Variants in PSMA1 observed in about 807,000 individuals in gnomAD.
PSMA1 encodes the protein proteasome 20S subunit alpha 1.
Under a neutral mutation model 38.4 loss-of-function variants are expected in PSMA1, and 3 were observed. The ratio of observed to expected loss-of-function variants is 0.08; its 90% CI spans 0.04 to 0.20. PSMA1 has a LOEUF of 0.20. Ranked by LOEUF, PSMA1 falls within the 10% of genes least tolerant of loss-of-function variation. PSMA1 has a pLI of 1.00. For missense variants in PSMA1, 227 were observed against 325.3 expected (o/e 0.70, Z 2.32); for synonymous variants, 101 against 107.1 (o/e 0.94, Z 0.35).
At chr11:14,516,159 G>A (rs1049544545) in intron 4 of PSMA1, among the ~76,000 whole-genome samples, 1 of 150,658 alleles carries the variant, frequency 6.6e-6, no homozygotes, top group African/African-American at 2.4e-5. Flanking sequence ...GCAGTGAGCC[G>A]AGATCATACC....
Position 14,510,909 on chromosome 11 carries a change from C to G in PSMA1, c.587G>C (p.Arg196Thr). 1 of 1,608,788 alleles carries G rather than the reference C, an allele frequency of 6.2e-7. No homozygotes were observed. Among genetic ancestry groups the G allele is most frequent in the Non-Finnish European group, 8.5e-7 (1 of 1,177,330 alleles). Residue 196 changes from arginine (R) to threonine (T), a missense_variant, in exon 8 of 10, where the codon AGA (arginine) becomes ACA (threonine). Transcript: ENST00000396394. ...ELVKHGLRAL[R>T]ETLPAEQDLT... ...GTCCTGTTCTGCAGGAAGCGTCTCT[C>G]TTAAGGCACGCAGACCATGTTTAAC...
chr11:14,588,690 C>T (rs1448499859), intron 2 of PSMA1, among the ~76,000 whole-genome samples: 3 of 152,126 alleles, frequency 2.0e-5, no homozygotes, highest in South Asian at 2.1e-4. Flanking sequence ...TCACAATAAT[C>T]GCAATTATAG....
chr11:14,519,232 G>A, intron 1 of PSMA1, 191 bp from the exon 2 acceptor site: 1 of 651,540 alleles, frequency 1.5e-6, no homozygotes, highest in Non-Finnish European at 2.9e-6. Flanking sequence ...GTGGGAGAGG[G>A]AGAAGCAGAT....
chr11:14,598,521 G>C (rs539954838), intron 2 of PSMA1, among the ~76,000 whole-genome samples: 1 of 151,106 alleles, frequency 6.6e-6, no homozygotes, highest in South Asian at 2.1e-4. Context: ...TGTCTCTTTT[G>C]ATCTTTGATG....
chr11:14,519,196 G>A (rs1220456692), intron 1 of PSMA1, 155 bp from the exon 2 acceptor site: 1 of 708,814 alleles, frequency 1.4e-6, no homozygotes, highest in East Asian at 2.9e-5. Context: ...TCAGATGTAA[G>A]CCAATTCTAC....
chr11:14,602,101 T>C lies in PSMA1; in HGVS notation c.21+8865A>G, dbSNP rs148498639. Among the ~76,000 whole-genome samples the C allele has an allele frequency of 2.6e-5, 4 of 152,300 alleles. No homozygotes were observed. The East Asian group carries it at 7.7e-4, about 29-fold the overall frequency. On this transcript the variant is annotated intron_variant, in intron 2 of 10. Transcript: ENST00000418988. ...TAAGTGGGTCCTAGCTCCGGCTCAGTAGAACCATCTATAATGGCACATCTA... is the reference window on the plus strand; with the variant it reads ...TAAGTGGGTCCTAGCTCCGGCTCAGCAGAACCATCTATAATGGCACATCTA...
chr11:14,599,669 C>T (rs888626132), intron 2 of PSMA1, among the ~76,000 whole-genome samples: 5 of 152,218 alleles, frequency 3.3e-5, no homozygotes, highest in African/African-American at 4.8e-5. Flanking sequence ...TTAGCTTCCT[C>T]GAGATGGGTT....
At chr11:14,580,904 T>C (rs1852274172) in intron 2 of PSMA1, among the ~76,000 whole-genome samples, 2 of 152,206 alleles carry the variant, frequency 1.3e-5, no homozygotes, top group Admixed American at 6.5e-5. Flanking sequence ...TGGAAACTAC[T>C]GAAGTGGAAT....
intron 1 of PSMA1, among the ~76,000 whole-genome samples, chr11:14,615,223 T>C (rs927890057): frequency 6.6e-6 from 1 of 152,196 alleles, no homozygotes; most frequent in African/African-American, 2.4e-5. Flanking sequence ...CTTTAAAAGG[T>C]CTTTTATGAA....
intron 2 of PSMA1, among the ~76,000 whole-genome samples, chr11:14,527,512 T>C (rs1417310104): frequency 6.6e-6 from 1 of 152,218 alleles, no homozygotes. Flanking sequence ...CACTTTTCAG[T>C]GTTCCATCTG....
At position 14,517,676 on chromosome 11, in the gene PSMA1, T is replaced by C. The variant is rs779290146; in HGVS notation, c.220A>G (p.Ile74Val). The C allele has an allele frequency of 5.0e-6, 8 of 1,606,746 alleles. No homozygotes were observed. The highest frequency in any genetic ancestry group is 3.4e-5 in the Admixed American group (2 of 58,770). Residue 74 changes from isoleucine to valine, a missense_variant, in exon 4 of 10, where the codon ATT becomes GTT. Transcript: ENST00000396394. ...CTAGCATCAGCAGTAAGCCCCGCAATTGAGATACCAATATGGTTGTCAACA... is the reference window on the plus strand; with the variant it reads ...CTAGCATCAGCAGTAAGCCCCGCAACTGAGATACCAATATGGTTGTCAACA... Reference protein sequence around the residue: ...LHVDNHIGISIAGLTADARLL... With the variant: ...LHVDNHIGISVAGLTADARLL...
intron 2 of PSMA1, among the ~76,000 whole-genome samples, chr11:14,531,968 C>G (rs1388088805): frequency 6.6e-6 from 1 of 152,156 alleles, no homozygotes; most frequent in East Asian, 1.9e-4. Context: ...TACTGCATTA[C>G]CACTTGCTGT....
At chr11:14,584,510 T>G (rs1422730983) in intron 2 of PSMA1, among the ~76,000 whole-genome samples, 16 of 146,378 alleles carry the variant, frequency 1.1e-4, no homozygotes, top group African/African-American at 2.8e-4. Context: ...GTTTTTTGTT[T>G]TTTTTTTTTT....
At chr11:14,632,777 C>T (rs1853042234) in intron 1 of PSMA1, among the ~76,000 whole-genome samples, 2 of 151,308 alleles carry the variant, frequency 1.3e-5, no homozygotes, top group Non-Finnish European at 2.9e-5. Flanking sequence ...AACTTGGTTC[C>T]ATTCTCCCCA....
intron 7 of PSMA1, among the ~76,000 whole-genome samples, chr11:14,512,110 C>G (rs1157490138): frequency 1.3e-5 from 2 of 152,338 alleles, no homozygotes; most frequent in East Asian, 3.9e-4. Context: ...TGTGGTGGCT[C>G]ACGCCTGTAA....
chr11:14,518,884 C>T (rs372776759), intron 2 of PSMA1, 113 bp downstream of exon 2: 1 of 845,076 alleles, frequency 1.2e-6, no homozygotes. Flanking sequence ...CTTCCAAGAA[C>T]GTCTAAAATA....
intron 2 of PSMA1, among the ~76,000 whole-genome samples, chr11:14,593,500 T>C (rs761109491): frequency 2.6e-5 from 4 of 152,068 alleles, no homozygotes; most frequent in Non-Finnish European, 5.9e-5. Flanking sequence ...ATTCAAGGCA[T>C]GTCACCTAAC....
At chr11:14,609,553 G>A (rs1292807512) in intron 2 of PSMA1, among the ~76,000 whole-genome samples, 1 of 152,182 alleles carries the variant, frequency 6.6e-6, no homozygotes, top group Non-Finnish European at 1.5e-5. Context: ...TTTTAGCTAG[G>A]AGAGCCAGGG....
At chr11:14,640,051 C>T (rs1489334639) in intron 1 of PSMA1, among the ~76,000 whole-genome samples, 1 of 152,180 alleles carries the variant, frequency 6.6e-6, no homozygotes, top group Non-Finnish European at 1.5e-5. Flanking sequence ...GTGTCCAGCA[C>T]ACCGGGCACA....
Sources: gnomAD v4.1 joint callset for allele counts (sites outside exome capture counted in the v4.1 genomes callset) on GRCh38, gnomAD v4.1.1 for gene constraint, MANE v1.5 for transcripts, NCBI Gene and HGNC (gene_info 2026-07-23, HGNC 2026-07-21) for gene names.